Variants in PGM5 observed in about 807,000 individuals in gnomAD.
PGM5 encodes the protein phosphoglucomutase-like protein 5.
PGM5 carries 23 observed loss-of-function variants against 59.2 expected under a neutral mutation model. The ratio of observed to expected loss-of-function variants is 0.39; its 90% CI spans 0.28 to 0.55. The LOEUF is 0.55. Among genes scored for constraint, PGM5 ranks in the 20% least tolerant of loss-of-function variants. The probability of loss-of-function intolerance (pLI) is 0.66; values close to 1 mark genes in which losing one functional copy is unlikely to be tolerated. For synonymous variants in PGM5, 214 were observed against 286.0 expected, an observed-to-expected ratio of 0.75 and a Z score of 2.54; for missense variants, 574 against 748.3, an observed-to-expected ratio of 0.77 and a Z score of 2.72.
intron 6 of PGM5, among the ~76,000 whole-genome samples, chr9:68,432,561 T>G (rs531024542): frequency 1.3e-5 from 2 of 152,324 alleles, no homozygotes; most frequent in East Asian, 3.9e-4. Flanking sequence ...AATTTGCTTT[T>G]TTCAATTTAC....
chr9:68,443,552 T>C (rs986763258), intron 6 of PGM5, among the ~76,000 whole-genome samples: 2 of 152,250 alleles, frequency 1.3e-5, no homozygotes, highest in East Asian at 1.9e-4. Flanking sequence ...TTAATCCTAA[T>C]GTGCTGTGCA....
chr9:68,467,015 T>C (rs1823945922), intron 7 of PGM5, among the ~76,000 whole-genome samples: 1 of 152,150 alleles, frequency 6.6e-6, no homozygotes, highest in Non-Finnish European at 1.5e-5. Flanking sequence ...GTTTTTAGCG[T>C]GTACACCTAG....
At chr9:68,407,437 T>C (rs1363959538) in intron 6 of PGM5, among the ~76,000 whole-genome samples, 1 of 152,192 alleles carries the variant, frequency 6.6e-6, no homozygotes, top group African/African-American at 2.4e-5. Flanking sequence ...CCAGCCCCTA[T>C]TGCCTTTTGA....
At chr9:68,492,134 G>C (rs1245519929) in intron 9 of PGM5, among the ~76,000 whole-genome samples, 1 of 152,158 alleles carries the variant, frequency 6.6e-6, no homozygotes, top group Non-Finnish European at 1.5e-5. Context: ...AAATATAAAA[G>C]AGAAAAGCTG....
chr9:68,391,576 G>C lies in PGM5; in HGVS notation c.740G>C (p.Gly247Ala), dbSNP rs782484385. The change falls in exon 5 of 11, where the codon GGG (glycine) becomes GCG (alanine). Residue 247 changes from glycine (G) to alanine (A), a missense_variant. By Grantham distance (60) the Gly-to-Ala change is moderately conservative. This residue lies in a region of PGM5 where 8 missense variants were observed against 28.2 expected (regional missense o/e 0.28). Coordinates refer to ENST00000396396, the MANE Select transcript of PGM5 (RefSeq NM_021965.4). ...YVRKVLCDEL[G>A]APANSAINCV... is the part of the protein sequence containing the mutation. Reference sequence around the variant, plus strand: ...AGAAAAGTTCTGTGTGATGAGCTGGGGGCCCCAGCCAATTCTGCAATAAAC... The same window carrying C: ...AGAAAAGTTCTGTGTGATGAGCTGGCGGCCCCAGCCAATTCTGCAATAAAC... The C allele has an allele frequency of 1.2e-6, 2 of 1,613,294 alleles. No individual in the cohort carries two copies. The highest frequency in any genetic ancestry group is 1.7e-5 in the Admixed American group (1 of 59,960).
intron 10 of PGM5, among the ~76,000 whole-genome samples, chr9:68,511,935 C>T (rs1278697784): frequency 1.3e-5 from 2 of 152,108 alleles, no homozygotes; most frequent in Admixed American, 6.5e-5. Context: ...CTTCTAAAAA[C>T]CTAGGTCTTC....
chr9:68,448,232 G>A (rs115389380), intron 6 of PGM5, among the ~76,000 whole-genome samples: 1,686 of 152,236 alleles, frequency 0.011, 30 homozygotes, highest in African/African-American at 0.038. Context: ...TCACAGAAAT[G>A]TGACAGTATG....
chr9:68,434,365 C>A (rs1159828401), intron 6 of PGM5, among the ~76,000 whole-genome samples: 3 of 148,854 alleles, frequency 2.0e-5, no homozygotes, highest in Non-Finnish European at 4.5e-5. Flanking sequence ...AAAAAAATGT[C>A]AAAGTGAAGA....
chr9:68,518,334 C>T (rs982713519), intron 10 of PGM5, among the ~76,000 whole-genome samples: 1 of 152,160 alleles, frequency 6.6e-6, no homozygotes, highest in Non-Finnish European at 1.5e-5. Flanking sequence ...CCAGTTATTT[C>T]TATAAGCAAT....
At chr9:68,490,352 GT>G (rs1328620477) in intron 9 of PGM5, among the ~76,000 whole-genome samples, 1 of 152,196 alleles carries the variant, frequency 6.6e-6, no homozygotes, top group African/African-American at 2.4e-5. Flanking sequence ...TTGTTGTTTT[GT>G]TTTTTGTTTT....
chr9:68,507,160 G>A (rs909364420), intron 10 of PGM5, among the ~76,000 whole-genome samples: 3 of 152,124 alleles, frequency 2.0e-5, no homozygotes, highest in South Asian at 2.1e-4. Flanking sequence ...GAACTATGGG[G>A]GAGGGCAAAG....
chr9:68,406,206 T>TA (rs1554681120), intron 6 of PGM5: 1 of 152,162 alleles, frequency 6.6e-6, no homozygotes, highest in African/African-American at 2.4e-5. Context: ...TTGGGCTGTT[T>TA]ACCTAACTTC....
At chr9:68,450,827 T>C (rs782741048) in intron 6 of PGM5, among the ~76,000 whole-genome samples, 6 of 152,206 alleles carry the variant, frequency 3.9e-5, no homozygotes, top group Non-Finnish European at 8.8e-5. Flanking sequence ...TGTCTGTATC[T>C]CATATTCGAA....
At chr9:68,415,360 G>T (rs1249284332) in intron 6 of PGM5, among the ~76,000 whole-genome samples, 11 of 149,310 alleles carry the variant, frequency 7.4e-5, no homozygotes, top group Non-Finnish European at 8.8e-5. Context: ...GAAGCCAAAG[G>T]CTGGCAGGAT....
At chr9:68,469,068 C>T (rs955956914) in intron 7 of PGM5, among the ~76,000 whole-genome samples, 5 of 152,136 alleles carry the variant, frequency 3.3e-5, no homozygotes, top group Non-Finnish European at 5.9e-5. Context: ...AGGCGTGTGC[C>T]ATCACTCCCT....
chr9:68,530,355 AC>A lies in PGM5; in HGVS notation c.*701del, dbSNP rs781395303. 9 of 152,254 alleles carry A rather than the reference AC, an allele frequency of 5.9e-5. No homozygotes were observed. Among genetic ancestry groups the A allele is most frequent in the Non-Finnish European group, 1.2e-4 (8 of 68,044 alleles). The allele number at this position is 152,254 out of a possible 1,614,324, so 9.4% of individuals were successfully genotyped here. A position where few individuals can be genotyped will look rare whatever the true frequency, so the allele number is the denominator to read the frequency against. On this transcript the variant is annotated 3_prime_UTR_variant, in exon 11 of 11. Transcript: ENST00000396396. ...TATTATTTTAGCTATTAAGCTGGAT[AC>A]CTTCTTTCAAATTCAGCCATTCAGT...
chr9:68,422,825 C>T (rs71501765), intron 6 of PGM5, among the ~76,000 whole-genome samples: 3 of 152,124 alleles, frequency 2.0e-5, no homozygotes, highest in Non-Finnish European at 4.4e-5. Flanking sequence ...CACCCATCAC[C>T]TGAGCAGTAC....
chr9:68,382,477 A>C (rs1477817255), intron 2 of PGM5, among the ~76,000 whole-genome samples: 3 of 151,792 alleles, frequency 2.0e-5, no homozygotes, highest in Non-Finnish European at 4.4e-5. Context: ...ATCACATCAA[A>C]AGCTCAGGCT....
At chr9:68,429,673 C>T (rs1055413691) in intron 6 of PGM5, among the ~76,000 whole-genome samples, 2 of 152,142 alleles carry the variant, frequency 1.3e-5, no homozygotes, top group Non-Finnish European at 2.9e-5. Context: ...TTCATTGATT[C>T]CTACCAATTG....
Sources: allele counts gnomAD v4.1 joint callset (sites outside exome capture counted in the v4.1 genomes callset), GRCh38; gene constraint gnomAD v4.1.1; regional missense constraint gnomAD v4.1.1; transcripts MANE v1.5; gene names NCBI Gene and HGNC (gene_info 2026-07-23, HGNC 2026-07-21).